NRG1: variants seen among roughly 807,000 people sequenced by gnomAD.
NRG1 encodes the protein pro-neuregulin-1, membrane-bound isoform.
NRG1 carries 18 observed loss-of-function variants against 63.8 expected under a neutral mutation model. That is an observed-to-expected ratio of 0.28 (90% CI 0.19 to 0.42). The LOEUF (loss-of-function observed/expected upper bound fraction) is 0.42. Ranked by LOEUF, NRG1 falls within the 10% of genes least tolerant of loss-of-function variation. The pLI, the probability that NRG1 is intolerant of heterozygous loss-of-function variation, is 1.00. For missense variants in NRG1, 762 were observed against 814.7 expected, an observed-to-expected ratio of 0.94 and a Z score of 0.79; for synonymous variants, 302 against 301.3, an observed-to-expected ratio of 1.00 and a Z score of -0.02.
intron 1 of NRG1, among the ~76,000 whole-genome samples, chr8:31,818,407 A>G (rs1036126603): frequency 6.6e-6 from 1 of 152,178 alleles, no homozygotes; most frequent in Non-Finnish European, 1.5e-5. Flanking sequence ...TGTATAGTCT[A>G]TATCAGCAGT....
chr8:31,686,558 T>C (rs1585662069), intron 1 of NRG1, among the ~76,000 whole-genome samples: 1 of 152,336 alleles, frequency 6.6e-6, no homozygotes, highest in South Asian at 2.1e-4. Flanking sequence ...TAACTGCATC[T>C]GACACTTTTA....
intron 1 of NRG1, among the ~76,000 whole-genome samples, chr8:31,951,112 A>T (rs949020446): frequency 7.2e-5 from 11 of 152,170 alleles, no homozygotes; most frequent in Admixed American, 1.3e-4. Context: ...TTTTCTGTTC[A>T]TTGGGAAAGT....
chr8:32,268,258 G>C (rs1282014541), intron 1 of NRG1, among the ~76,000 whole-genome samples: 3 of 152,180 alleles, frequency 2.0e-5, no homozygotes, highest in Non-Finnish European at 4.4e-5. Context: ...GAGATCCTAA[G>C]TAAAGAAACA....
intron 1 of NRG1, among the ~76,000 whole-genome samples, chr8:32,285,426 A>T (rs747349522): frequency 2.6e-5 from 4 of 152,124 alleles, no homozygotes; most frequent in Non-Finnish European, 5.9e-5. Flanking sequence ...CAATTACAGG[A>T]CCAGAAGACT....
chr8:32,071,940 C>T (rs188323284), intron 1 of NRG1, among the ~76,000 whole-genome samples: 3 of 152,112 alleles, frequency 2.0e-5, no homozygotes, highest in East Asian at 1.9e-4. Context: ...AGTTAGTAGA[C>T]GAAGTGTATG....
At chr8:32,223,412 G>A (rs1429064884) in intron 1 of NRG1, among the ~76,000 whole-genome samples, 1 of 152,026 alleles carries the variant, frequency 6.6e-6, no homozygotes, top group African/African-American at 2.4e-5. Context: ...TTTTATATTA[G>A]TTTTTTTAGG....
chr8:32,298,505 C>T lies in NRG1; in HGVS notation c.38-297323C>T, dbSNP rs966837097. Among the ~76,000 whole-genome samples, 8 of 151,316 alleles carry T rather than the reference C, an allele frequency of 5.3e-5. No individual in the cohort carries two copies. The East Asian group carries it at 9.8e-4, about 19-fold the overall frequency. On this transcript the variant is annotated intron_variant, in intron 1 of 10. Transcript: ENST00000519301. ...CTGAGGCAGGCAGATCACCAGAGGTCGGGAGTTCGAGACTAGCTTGACCAA... is the reference window on the plus strand; with the variant it reads ...CTGAGGCAGGCAGATCACCAGAGGTTGGGAGTTCGAGACTAGCTTGACCAA...
At chr8:32,740,016 A>G (rs1240302957) in intron 6 of NRG1, among the ~76,000 whole-genome samples, 1 of 152,144 alleles carries the variant, frequency 6.6e-6, no homozygotes, top group African/African-American at 2.4e-5. Flanking sequence ...ATATGAACTT[A>G]TAGTCCTGGT....
At chr8:32,488,315 C>T (rs1347117213) in intron 1 of NRG1, among the ~76,000 whole-genome samples, 1 of 152,110 alleles carries the variant, frequency 6.6e-6, no homozygotes, top group Non-Finnish European at 1.5e-5. Context: ...AGTACACTGC[C>T]AGAGCAAAAT....
intron 1 of NRG1, among the ~76,000 whole-genome samples, chr8:32,290,528 G>A (rs1441699000): frequency 6.6e-6 from 1 of 152,052 alleles, no homozygotes; most frequent in Non-Finnish European, 1.5e-5. Flanking sequence ...ATTTTTTTGA[G>A]GCTCAGAGGA....
At chr8:32,017,855 C>T (rs544794670) in intron 1 of NRG1, among the ~76,000 whole-genome samples, 4 of 152,216 alleles carry the variant, frequency 2.6e-5, no homozygotes, top group South Asian at 2.1e-4. Context: ...GGCTTCATTA[C>T]GAAAGCATGA....
At chr8:32,211,141 T>G (rs1349956087) in intron 1 of NRG1, among the ~76,000 whole-genome samples, 1 of 152,214 alleles carries the variant, frequency 6.6e-6, no homozygotes, top group Non-Finnish European at 1.5e-5. Flanking sequence ...CTTATAGCCC[T>G]TTTTGTTGTC....
intron 1 of NRG1, among the ~76,000 whole-genome samples, chr8:31,763,827 G>A (rs1251146976): frequency 6.6e-6 from 1 of 152,042 alleles, no homozygotes; most frequent in Non-Finnish European, 1.5e-5. Flanking sequence ...GCGGGTGGCT[G>A]TAGTCCCAGC....
At chr8:32,770,796 C>T (rs373157233), downstream of NRG1, among the ~76,000 whole-genome samples, 5 of 152,114 alleles carry the variant, frequency 3.3e-5, no homozygotes, top group African/African-American at 4.8e-5. Context: ...TTTACAAGAC[C>T]GTGGTGTGGT....
At chr8:32,199,449 T>C (rs1843281326) in intron 1 of NRG1, among the ~76,000 whole-genome samples, 1 of 152,212 alleles carries the variant, frequency 6.6e-6, no homozygotes, top group African/African-American at 2.4e-5. Context: ...CCAAATCTCA[T>C]GCCTTCTACT....
At chr8:32,168,323 G>A (rs1258831907) in intron 1 of NRG1, among the ~76,000 whole-genome samples, 1 of 152,142 alleles carries the variant, frequency 6.6e-6, no homozygotes, top group East Asian at 1.9e-4. Flanking sequence ...TCAGGCATGG[G>A]GATATATTAC....
chr8:32,066,163 T>G (rs1385856500), intron 1 of NRG1, among the ~76,000 whole-genome samples: 3 of 152,264 alleles, frequency 2.0e-5, no homozygotes, highest in Non-Finnish European at 4.4e-5. Flanking sequence ...GGTAGTTTCT[T>G]TTGCTGTGCA....
At chr8:31,745,015 C>T (rs116483756) in intron 1 of NRG1, among the ~76,000 whole-genome samples, 7 of 151,698 alleles carry the variant, frequency 4.6e-5, no homozygotes, top group African/African-American at 1.7e-4. Context: ...AAGGGTGGGA[C>T]GATTATGATA....
intron 5 of NRG1, among the ~76,000 whole-genome samples, chr8:32,645,629 T>C (rs887523996): frequency 2.0e-5 from 3 of 152,176 alleles, no homozygotes; most frequent in Non-Finnish European, 4.4e-5. Context: ...TCTCAGGACT[T>C]GAATTCTAAA....
Sources: gnomAD v4.1 joint callset for allele counts (sites outside exome capture counted in the v4.1 genomes callset) on GRCh38, gnomAD v4.1.1 for gene constraint, MANE v1.5 for transcripts, NCBI Gene and HGNC (gene_info 2026-07-23, HGNC 2026-07-21) for gene names.